OPCML: variants seen among roughly 807,000 people sequenced by gnomAD.
The protein encoded by OPCML is opioid-binding protein/cell adhesion molecule.
A neutral mutation model predicts 37.8 loss-of-function variants in OPCML; 13 were observed. The observed-to-expected ratio is 0.34, with a 90% CI of 0.22 to 0.55. The LOEUF (loss-of-function observed/expected upper bound fraction) is 0.55. Ranked by LOEUF, OPCML falls within the 20% of genes least tolerant of loss-of-function variation. The pLI, the probability that OPCML is intolerant of heterozygous loss-of-function variation, is 0.91. For synonymous variants in OPCML, 176 were observed against 168.8 expected (o/e 1.04, Z -0.33); for missense variants, 341 against 435.6 (o/e 0.78, Z 1.93).
chr11:132,566,915 G>C (rs1036438970), intron 3 of OPCML, among the ~76,000 whole-genome samples: 1 of 150,552 alleles, frequency 6.6e-6, no homozygotes, highest in East Asian at 2.0e-4. Context: ...AGCATGCACA[G>C]AACCCAAGGA....
chr11:132,975,222 A>T (rs1946431661), intron 1 of OPCML, among the ~76,000 whole-genome samples: 2 of 152,014 alleles, frequency 1.3e-5, no homozygotes, highest in Non-Finnish European at 2.9e-5. Flanking sequence ...ATATAATGTA[A>T]TGATAGGAAG....
chr11:132,897,169 G>A (rs1459241837), intron 2 of OPCML, among the ~76,000 whole-genome samples: 1 of 152,346 alleles, frequency 6.6e-6, no homozygotes, highest in South Asian at 2.1e-4. Flanking sequence ...TAGCGATGCT[G>A]TTTGGAGCTT....
chr11:133,143,471 T>C (rs369808926), intron 1 of OPCML, among the ~76,000 whole-genome samples: 2 of 152,296 alleles, frequency 1.3e-5, no homozygotes, highest in African/African-American at 4.8e-5. Context: ...GGTCCCAGAA[T>C]GCATGCATGG....
At chr11:132,480,516 G>GAAC (rs1434023971) in intron 4 of OPCML, among the ~76,000 whole-genome samples, 11 of 152,062 alleles carry the variant, frequency 7.2e-5, no homozygotes, top group Admixed American at 2.6e-4. Context: ...GAAATACAGA[G>GAAC]AACACCACAA....
At chr11:133,042,755 G>A (rs1054423016) in intron 1 of OPCML, among the ~76,000 whole-genome samples, 11 of 152,034 alleles carry the variant, frequency 7.2e-5, no homozygotes, top group Non-Finnish European at 7.4e-5. Flanking sequence ...TGCCTTTAAC[G>A]GCCAAAGTTA....
At chr11:133,004,059 G>A (rs118037241) in intron 1 of OPCML, 39,598 of 985,384 alleles carry the variant, frequency 0.04, 850 homozygotes, top group South Asian at 0.059. Flanking sequence ...GAAGGAGGAA[G>A]CGAAGAGGCA....
intron 1 of OPCML, among the ~76,000 whole-genome samples, chr11:133,023,180 GGTGA>G (rs1947485536): frequency 6.6e-6 from 1 of 152,172 alleles, no homozygotes; most frequent in African/African-American, 2.4e-5. Flanking sequence ...TTCAAACATT[GGTGA>G]GTGTTAGGTC....
intron 2 of OPCML, among the ~76,000 whole-genome samples, chr11:132,761,123 G>A (rs1399517400): frequency 6.6e-6 from 1 of 151,920 alleles, no homozygotes; most frequent in Non-Finnish European, 1.5e-5. Context: ...TTGAATATTG[G>A]CCCCCACTCT....
At chr11:132,438,921 T>C (rs976155322) in intron 4 of OPCML, among the ~76,000 whole-genome samples, 9 of 152,096 alleles carry the variant, frequency 5.9e-5, no homozygotes, top group Admixed American at 5.2e-4. Flanking sequence ...TTGTCTTCCC[T>C]GCCTCCATGT....
chr11:132,952,080 G>A (rs561916101), intron 1 of OPCML, among the ~76,000 whole-genome samples: 1 of 152,350 alleles, frequency 6.6e-6, no homozygotes, highest in Admixed American at 6.5e-5. Flanking sequence ...TGTTCCATGT[G>A]TATATTAGGG....
chr11:133,231,274 G>C (rs932195867), intron 1 of OPCML, among the ~76,000 whole-genome samples: 4 of 152,084 alleles, frequency 2.6e-5, no homozygotes, highest in Non-Finnish European at 5.9e-5. Context: ...CTCTTCTACC[G>C]CTTGATGAGT....
intron 1 of OPCML, among the ~76,000 whole-genome samples, chr11:133,050,721 T>TTCC (rs1948114311): frequency 0.023 from 94 of 4,086 alleles, 1 homozygote; most frequent in African/African-American, 0.055. Flanking sequence ...TTCTTCTTCC[T>TTCC]TTTTTTTTTT....
intron 2 of OPCML, among the ~76,000 whole-genome samples, chr11:132,891,140 T>C (rs1943631306): frequency 1.3e-5 from 2 of 152,208 alleles, no homozygotes; most frequent in African/African-American, 4.8e-5. Flanking sequence ...TCTAGGTGAT[T>C]GTTGGTAACT....
intron 2 of OPCML, among the ~76,000 whole-genome samples, chr11:132,923,088 A>AAATAAATAAAT (rs1364210495): frequency 1.7e-5 from 2 of 119,810 alleles, no homozygotes; most frequent in East Asian, 4.5e-4. Context: ...AAAAATAAAT[A>AAATAAATAAAT]AATAAATAAT....
At chr11:133,133,417 C>A (rs1181882432) in intron 1 of OPCML, among the ~76,000 whole-genome samples, 1 of 152,196 alleles carries the variant, frequency 6.6e-6, no homozygotes, top group Non-Finnish European at 1.5e-5. Context: ...TTCGTTTCTT[C>A]CATCTTCTGG....
chr11:133,119,796 G>A (rs1253619668), intron 1 of OPCML, among the ~76,000 whole-genome samples: 4 of 152,174 alleles, frequency 2.6e-5, no homozygotes, highest in Non-Finnish European at 5.9e-5. Flanking sequence ...GTCAGGATGG[G>A]GAAGACTGAG....
At chr11:132,553,966 CT>C (rs1472335000) in intron 3 of OPCML, among the ~76,000 whole-genome samples, 43 of 152,166 alleles carry the variant, frequency 2.8e-4, no homozygotes, top group African/African-American at 1.0e-3. Flanking sequence ...ATTTTGTGCC[CT>C]TTATCATCTT....
intron 1 of OPCML, among the ~76,000 whole-genome samples, chr11:133,496,139 A>G (rs1947781291): frequency 6.6e-6 from 1 of 152,220 alleles, no homozygotes; most frequent in Non-Finnish European, 1.5e-5. Context: ...TTATCCCAGC[A>G]TCATTTGTGG....
chr11:132,570,763 ATATATATATATATATATATATATATATAT>A (rs2096435500), intron 3 of OPCML, among the ~76,000 whole-genome samples: 2 of 83,720 alleles, frequency 2.4e-5, no homozygotes, highest in Non-Finnish European at 4.6e-5. Flanking sequence ...GAGTATATAT[ATATATATATATATATATATATATATATAT>A]ATATATATAT....
Sources: allele counts gnomAD v4.1 joint callset (sites outside exome capture counted in the v4.1 genomes callset), GRCh38; gene constraint gnomAD v4.1.1; transcripts MANE v1.5; gene names NCBI Gene and HGNC (gene_info 2026-07-23, HGNC 2026-07-21).